GRSF1: variants seen among roughly 807,000 people sequenced by gnomAD.
The protein encoded by GRSF1 is G-rich sequence factor 1.
Under a neutral mutation model 51.1 loss-of-function variants are expected in GRSF1, and 50 were observed. The ratio of observed to expected loss-of-function variants is 0.98; its 90% CI spans 0.78 to 1.24. The LOEUF (loss-of-function observed/expected upper bound fraction) is 1.24, where lower values mean the gene tolerates loss of function less well. GRSF1 is among the 50% of genes most tolerant of loss of function. GRSF1 has a pLI of 0.00. For synonymous variants in GRSF1, 293 were observed against 253.3 expected, an observed-to-expected ratio of 1.16 and a Z score of -1.49; for missense variants, 700 against 639.7, an observed-to-expected ratio of 1.09 and a Z score of -1.02.
At position 70,839,785 on chromosome 4, in the gene GRSF1, A is replaced by C; in HGVS notation, c.43T>G (p.Cys15Gly). 6.6e-7 allele frequency: 1 copy of C among 1,505,360 alleles called. No homozygotes were observed. Among genetic ancestry groups the C allele is most frequent in the Non-Finnish European group, 8.8e-7 (1 of 1,134,100 alleles). The allele number at this position is 1,505,360 out of a possible 1,614,324, so 93.3% of individuals were successfully genotyped here. A position where few individuals can be genotyped will look rare whatever the true frequency, so the allele number is the denominator to read the frequency against. The stretch of plus-strand genomic sequence containing the variant: ...CGGCAGCTGCTGCAGTTACAGCCGC[A>C]GCCCCGGAGCAGCGCCCCGAGTACC... The part of the protein sequence containing the change: ...RWVLGALLRG[C>G]GCNCSSCRRT... The change falls in exon 1 of 10, where the codon TGC (cysteine) becomes GGC (glycine). Residue 15 changes from cysteine to glycine, a missense_variant. Physicochemically the swap from Cys to Gly is radical, Grantham distance 159. Transcript: ENST00000254799.
Position 70,819,981 on chromosome 4 carries a change from T to C in GRSF1, c.*906A>G, listed in dbSNP as rs565069610. 1 of 152,772 alleles carries C rather than the reference T, an allele frequency of 6.5e-6. No homozygotes were observed. The highest frequency in any genetic ancestry group is 6.5e-5 in the Admixed American group (1 of 15,302). The allele number at this position is 152,772 out of a possible 1,614,324, so 9.5% of individuals were successfully genotyped here. ...CCCCTACTTGTTCTAAAATATGGGA[T>C]GTACTACTCCATTTAAAAAGCAAAT... On this transcript the variant is annotated 3_prime_UTR_variant, in exon 10 of 10. Coordinates refer to ENST00000254799, the MANE Select transcript of GRSF1 (RefSeq NM_002092.4).
chr4:70,817,698 T>C lies in GRSF1; in HGVS notation c.*3189A>G, dbSNP rs567498506. 1.3e-5 allele frequency: 2 copies of C among 152,318 alleles called. No individual in the cohort carries two copies. The highest frequency in any genetic ancestry group is 1.3e-4 in the Admixed American group (2 of 15,304). The allele number at this position is 152,318 out of a possible 1,614,324, so 9.4% of individuals were successfully genotyped here. On this transcript the variant is annotated 3_prime_UTR_variant, in exon 10 of 10. Coordinates refer to ENST00000254799, the MANE Select transcript of GRSF1 (RefSeq NM_002092.4). ...ATTCAAAATAGTCATGTTGGAACAG[T>C]TTGGCAGTTTCTTCCAAAACTAAAC...
intron 9 of GRSF1, 145 bp from the exon 10 acceptor site, chr4:70,821,006 A>G (rs1733473710): frequency 6.6e-6 from 1 of 152,254 alleles, no homozygotes; most frequent in African/African-American, 2.4e-5. Context: ...TAAAGTGAGG[A>G]AAACTAGTCA....
intron 9 of GRSF1, among the ~76,000 whole-genome samples, chr4:70,822,651 G>A (rs1456124222): frequency 6.6e-6 from 1 of 150,842 alleles, no homozygotes; most frequent in Non-Finnish European, 1.5e-5. Context: ...ATTTAAGTGG[G>A]GAAAAAAAGC....
At chr4:70,831,185 G>A (rs936348883) in intron 5 of GRSF1, among the ~76,000 whole-genome samples, 1 of 151,730 alleles carries the variant, frequency 6.6e-6, no homozygotes, top group Non-Finnish European at 1.5e-5. Flanking sequence ...GTGAAACCCC[G>A]TCTCTACTAA....
At chr4:70,830,332 C>G (rs1188150506) in intron 5 of GRSF1, among the ~76,000 whole-genome samples, 1 of 151,788 alleles carries the variant, frequency 6.6e-6, no homozygotes, top group East Asian at 1.9e-4. Context: ...ATTGTTCTAG[C>G]TAGTTGGGAG....
chr4:70,839,566 C>T lies in GRSF1; in HGVS notation c.262G>A (p.Ala88Thr), dbSNP rs1394755140. ...GPPAVATSAAAAAAASYSALR... is the reference protein window; with the variant it reads ...GPPAVATSAATAAAASYSALR... Reference sequence around the variant, plus strand: ...GCAGAGTAGGACGCGGCGGCCGCGGCCGCGGCAGAGGTGGCCACAGCGGGA... The same window carrying T: ...GCAGAGTAGGACGCGGCGGCCGCGGTCGCGGCAGAGGTGGCCACAGCGGGA... The change falls in exon 1 of 10, where the codon GCC becomes ACC. Residue 88 changes from alanine to threonine, a missense_variant. Coordinates refer to ENST00000254799, the MANE Select transcript of GRSF1 (RefSeq NM_002092.4). 3 of 1,423,568 alleles carry T rather than the reference C, an allele frequency of 2.1e-6. No homozygotes were observed. Among genetic ancestry groups the T allele is most frequent in the Non-Finnish European group, 2.7e-6 (3 of 1,091,440 alleles). 88.2% of individuals were successfully genotyped at this position (1,423,568 alleles called of 1,614,324 possible).
At position 70,826,128 on chromosome 4, in the gene GRSF1, A is replaced by G. The variant is rs764091301; in HGVS notation, c.1253T>C (p.Ile418Thr). 9.3e-6 allele frequency: 15 copies of G among 1,610,358 alleles called. No individual in the cohort carries two copies. The highest frequency in any genetic ancestry group is 1.3e-5 in the Non-Finnish European group (15 of 1,177,938). The change falls in exon 7 of 10, where the codon ATA becomes ACA. Residue 418 changes from isoleucine (I) to threonine (T), a missense_variant. Physicochemically the swap from Ile to Thr is moderately conservative, Grantham distance 89. Transcript: ENST00000254799. ...GGATATCTTACTGCCACACACGTTT[A>G]TAATGTCTTGGGCATTGGCTTGGAA... ...LPFQANAQDI[I>T]NFFAPLKPVR...
In GRSF1 at chr4:70,823,824, C is replaced by T. The variant is rs1037760448; in HGVS notation, c.*25+470G>A. 6.6e-5 allele frequency among the ~76,000 whole-genome samples: 10 copies of T among 152,028 alleles called. No homozygotes were observed. In the East Asian group the frequency reaches 1.7e-3, roughly 27 times the overall value. ...GGTTGAAGCTGCAGTGAGCTATGAT[C>T]GCACCACTGCTAGCCTGGGCAACAG... On this transcript the variant is annotated intron_variant, in intron 9 of 9. Coordinates refer to ENST00000254799, the MANE Select transcript of GRSF1 (RefSeq NM_002092.4).
chr4:70,833,728 A>G (rs1233702182), intron 2 of GRSF1, among the ~76,000 whole-genome samples: 1 of 152,118 alleles, frequency 6.6e-6, no homozygotes, highest in Non-Finnish European at 1.5e-5. Flanking sequence ...TTTGTTGCAC[A>G]GGCTGGTCTT....
rs1247717521 is a variant in GRSF1, at chr4:70,828,019, G to C, written c.968C>G (p.Pro323Arg). ...TGTTCGAACTTCATTCCTTCTGCTT[G>C]GAAATATCTCGATGTATCTATGTCA... The part of the protein sequence containing the change: ...EIGNRYIEIF[P>R]SRRNEVRTHV... The change falls in exon 6 of 10, where the codon CCA (proline) becomes CGA (arginine). Residue 323 changes from proline (P) to arginine (R), a missense_variant. By Grantham distance (103) the Pro-to-Arg change is moderately radical. Coordinates refer to ENST00000254799, the MANE Select transcript of GRSF1 (RefSeq NM_002092.4). The C allele has an allele frequency of 6.2e-7, 1 of 1,613,082 alleles. No homozygotes were observed.
At position 70,816,284 on chromosome 4, in the gene GRSF1, A is replaced by C. The variant is rs1733303214; in HGVS notation, c.*4603T>G. 1 of 138,220 alleles carries C rather than the reference A, an allele frequency of 7.2e-6. No homozygotes were observed. Among genetic ancestry groups the C allele is most frequent in the Non-Finnish European group, 1.5e-5 (1 of 65,718 alleles). The allele number at this position is 138,220 out of a possible 1,614,324, so 8.6% of individuals were successfully genotyped here. A position where few individuals can be genotyped will look rare whatever the true frequency, so the allele number is the denominator to read the frequency against. ...AGACTCCCTTGAACCCAGGAGGTGGAGGTTGCAGTGAGCCAAGACCAGGCC... is the reference window on the plus strand; with the variant it reads ...AGACTCCCTTGAACCCAGGAGGTGGCGGTTGCAGTGAGCCAAGACCAGGCC... On this transcript the variant is annotated 3_prime_UTR_variant, in exon 10 of 10. Transcript: ENST00000254799.
chr4:70,832,353 T>C lies in GRSF1; in HGVS notation c.768A>G (p.Gly256=). The change falls in exon 4 of 10, where the codon GGA becomes GGG. Residue 256 remains glycine (G), a synonymous_variant. Transcript: ENST00000254799. ...VVNDGVVRLR[G]LPYSCNEKDI... ...CTTTCTCATTGCAACTATAAGGAAGTCCTCTCAAACGAACCACACCATCAT... is the reference window on the plus strand; with the variant it reads ...CTTTCTCATTGCAACTATAAGGAAGCCCTCTCAAACGAACCACACCATCAT... The C allele has an allele frequency of 6.2e-7, 1 of 1,613,490 alleles. No homozygotes were observed. Among genetic ancestry groups the C allele is most frequent in the Non-Finnish European group, 8.5e-7 (1 of 1,179,530 alleles).
At chr4:70,828,759 CAG>C (rs914917755) in intron 5 of GRSF1, among the ~76,000 whole-genome samples, 1 of 124,900 alleles carries the variant, frequency 8.0e-6, no homozygotes, top group Non-Finnish European at 1.7e-5. Flanking sequence ...TTTTTTGAAG[CAG>C]AGTTTTGCTT....
At chr4:70,839,088 C>T (rs1446223705) in intron 1 of GRSF1, 2 of 1,265,588 alleles carry the variant, frequency 1.6e-6, no homozygotes, top group Non-Finnish European at 2.1e-6. Context: ...CCCAACCCTC[C>T]GGCGGGCTCG....
In GRSF1 at chr4:70,819,432, A is replaced by T. The variant is rs1035552688; in HGVS notation, c.*1455T>A. The T allele has an allele frequency of 6.6e-6, 1 of 152,202 alleles. No homozygotes were observed. Among genetic ancestry groups the T allele is most frequent in the African/African-American group, 2.4e-5 (1 of 41,458 alleles). The allele number at this position is 152,202 out of a possible 1,614,324, so 9.4% of individuals were successfully genotyped here. ...CAGGATTTTAGAGAACACACACACG[A>T]AAATTAACCCTTACTACTTATATTA... On this transcript the variant is annotated 3_prime_UTR_variant, in exon 10 of 10. Coordinates refer to ENST00000254799, the MANE Select transcript of GRSF1 (RefSeq NM_002092.4).
chr4:70,841,852 C>T (rs370778628), upstream of GRSF1, among the ~76,000 whole-genome samples: 22 of 152,192 alleles, frequency 1.4e-4, no homozygotes, highest in South Asian at 1.0e-3. Flanking sequence ...TACAGTCCGA[C>T]GGAGAGTATT....
intron 1 of GRSF1, among the ~76,000 whole-genome samples, chr4:70,836,932 C>G (rs7663104): frequency 0.9 from 136,344 of 152,250 alleles, 62,567 homozygotes; most frequent in East Asian, 1. Flanking sequence ...AATTAGGAGC[C>G]AAAGAAGGTG....
chr4:70,832,931 G>A (rs781007563), intron 3 of GRSF1, among the ~76,000 whole-genome samples, 187 bp downstream of exon 3: 1 of 152,194 alleles, frequency 6.6e-6, no homozygotes, highest in Non-Finnish European at 1.5e-5. Context: ...CTGGGTGACA[G>A]AGTGAGATTC....
Sources: allele counts gnomAD v4.1 joint callset (sites outside exome capture counted in the v4.1 genomes callset), GRCh38; gene constraint gnomAD v4.1.1; transcripts MANE v1.5; gene names NCBI Gene and HGNC (gene_info 2026-07-23, HGNC 2026-07-21).